ADCY2: variants seen among roughly 807,000 people sequenced by gnomAD.
The protein encoded by ADCY2 is adenylate cyclase type 2.
ADCY2 carries 31 observed loss-of-function variants against 125.2 expected under a neutral mutation model. The observed-to-expected ratio is 0.25, with a 90% CI of 0.19 to 0.33. The LOEUF is 0.33. Ranked by LOEUF, ADCY2 falls within the 10% of genes least tolerant of loss-of-function variation. The pLI, the probability that ADCY2 is intolerant of heterozygous loss-of-function variation, is 1.00. For synonymous variants in ADCY2, 512 were observed against 548.4 expected (o/e 0.93, Z 0.93); for missense variants, 904 against 1,418.2 (o/e 0.64, Z 5.82).
chr5:7,444,340 C>G (rs1387065731), intron 2 of ADCY2, among the ~76,000 whole-genome samples: 3 of 152,034 alleles, frequency 2.0e-5, no homozygotes, highest in African/African-American at 7.2e-5. Context: ...TGGTCTCAAT[C>G]TCCTGACCTG....
intron 7 of ADCY2, among the ~76,000 whole-genome samples, chr5:7,699,307 C>T (rs1053745484): frequency 2.7e-5 from 4 of 150,534 alleles, no homozygotes; most frequent in Non-Finnish European, 1.5e-5. Context: ...CCGTTTTAGC[C>T]GGGATGGTCT....
At chr5:7,739,044 A>G (rs1742334286) in intron 14 of ADCY2, among the ~76,000 whole-genome samples, 2 of 151,884 alleles carry the variant, frequency 1.3e-5, no homozygotes, top group Admixed American at 1.3e-4. Context: ...GAGCAACAAT[A>G]TCAACTTCCT....
At chr5:7,775,036 T>C (rs1312392577) in intron 18 of ADCY2, among the ~76,000 whole-genome samples, 1 of 152,142 alleles carries the variant, frequency 6.6e-6, no homozygotes, top group East Asian at 1.9e-4. Flanking sequence ...AGGCAGAATT[T>C]TGCTCTGTCA....
intron 2 of ADCY2, among the ~76,000 whole-genome samples, chr5:7,460,557 T>A (rs1198730833): frequency 6.6e-6 from 1 of 152,228 alleles, no homozygotes; most frequent in Admixed American, 6.5e-5. Context: ...CTTAATGTCC[T>A]AGGAGCATGG....
At chr5:7,813,731 T>C (rs1283103031) in intron 22 of ADCY2, among the ~76,000 whole-genome samples, 1 of 152,212 alleles carries the variant, frequency 6.6e-6, no homozygotes, top group African/African-American at 2.4e-5. Flanking sequence ...GAACTCAATC[T>C]CTTCTTTTAT....
intron 7 of ADCY2, among the ~76,000 whole-genome samples, chr5:7,705,897 C>T (rs115874426): frequency 6.6e-6 from 1 of 152,130 alleles, no homozygotes; most frequent in Non-Finnish European, 1.5e-5. Flanking sequence ...GCATGACATA[C>T]ATGCCTATGC....
At chr5:7,465,150 A>G (rs969814163) in intron 2 of ADCY2, among the ~76,000 whole-genome samples, 3 of 152,208 alleles carry the variant, frequency 2.0e-5, no homozygotes, top group Non-Finnish European at 4.4e-5. Flanking sequence ...CGTGGGAATT[A>G]TGGGAGCTAC....
chr5:7,826,497 A>G lies in ADCY2; in HGVS notation c.3124-222A>G, dbSNP rs115314063. 1.9e-3 allele frequency: 1,241 copies of G among 663,736 alleles called. 13 individuals carry two copies. The African/African-American group carries it at 0.02, about 11-fold the overall frequency. 41.1% of individuals were successfully genotyped at this position (663,736 alleles called of 1,614,324 possible). ...AGTTTACTGGAGTTACTTGAATTTT[A>G]GGTTGTTTCCAGTTTTTCACTATCC... On this transcript the variant is annotated intron_variant, in intron 24 of 24. Transcript: ENST00000338316.
chr5:7,605,885 G>A (rs1737357299), intron 3 of ADCY2, among the ~76,000 whole-genome samples: 2 of 77,224 alleles, frequency 2.6e-5, no homozygotes, highest in Admixed American at 3.1e-4. Flanking sequence ...TCCCTGTCTT[G>A]TGCCGGTTTT....
intron 6 of ADCY2, among the ~76,000 whole-genome samples, chr5:7,696,778 A>G (rs1276412439): frequency 6.6e-6 from 1 of 151,584 alleles, no homozygotes; most frequent in African/African-American, 2.4e-5. Context: ...CTTGGGCCAA[A>G]CTCCCCAAGG....
At chr5:7,567,926 TC>T in intron 3 of ADCY2, among the ~76,000 whole-genome samples, 1 of 70,700 alleles carries the variant, frequency 1.4e-5, no homozygotes, top group Non-Finnish European at 3.0e-5. Flanking sequence ...TGTCGTCCTC[TC>T]TTTCTCTCTC....
chr5:7,496,706 G>A (rs1743357808), intron 2 of ADCY2, among the ~76,000 whole-genome samples: 2 of 152,220 alleles, frequency 1.3e-5, no homozygotes, highest in African/African-American at 2.4e-5. Flanking sequence ...ATAAACGAGA[G>A]ACTCAATTGA....
chr5:7,670,519 A>C (rs1739898404), intron 4 of ADCY2, among the ~76,000 whole-genome samples: 1 of 152,216 alleles, frequency 6.6e-6, no homozygotes, highest in Admixed American at 6.5e-5. Context: ...GAAAACAAAA[A>C]CTTGGTTTAT....
chr5:7,660,879 A>G (rs1235999080), intron 4 of ADCY2, among the ~76,000 whole-genome samples: 2 of 152,210 alleles, frequency 1.3e-5, no homozygotes, highest in East Asian at 1.9e-4. Context: ...AAAATTAACC[A>G]TCTCAGCTCA....
chr5:7,402,059 C>G (rs1034595558), intron 1 of ADCY2, among the ~76,000 whole-genome samples: 1 of 152,238 alleles, frequency 6.6e-6, no homozygotes, highest in African/African-American at 2.4e-5. Context: ...AACTGGCTCA[C>G]CCCTTGCATG....
intron 4 of ADCY2, among the ~76,000 whole-genome samples, chr5:7,640,425 CAG>C (rs533694416): frequency 1.3e-5 from 2 of 152,206 alleles, no homozygotes; most frequent in East Asian, 3.9e-4. Flanking sequence ...TATTGAAAAA[CAG>C]AGGAAAATTT....
chr5:7,706,065 A>G (rs1301053721), intron 7 of ADCY2, among the ~76,000 whole-genome samples: 1 of 152,170 alleles, frequency 6.6e-6, no homozygotes, highest in Non-Finnish European at 1.5e-5. Context: ...CTTGTTTTGC[A>G]ATACTACTTT....
chr5:7,760,277 C>T (rs951079058), intron 16 of ADCY2, among the ~76,000 whole-genome samples: 1 of 152,336 alleles, frequency 6.6e-6, no homozygotes, highest in Non-Finnish European at 1.5e-5. Context: ...AGATCCAGCT[C>T]CCCAGGAAAG....
chr5:7,773,352 T>C (rs1389844184), intron 18 of ADCY2, among the ~76,000 whole-genome samples: 1 of 152,210 alleles, frequency 6.6e-6, no homozygotes, highest in Non-Finnish European at 1.5e-5. Flanking sequence ...ATAACTGTAC[T>C]ATGTTGACAA....
Sources: allele counts gnomAD v4.1 joint callset (sites outside exome capture counted in the v4.1 genomes callset), GRCh38; gene constraint gnomAD v4.1.1; transcripts MANE v1.5; gene names NCBI Gene and HGNC (gene_info 2026-07-23, HGNC 2026-07-21).